The following OSBP2 variants were observed in gnomAD, a reference collection of about 807,000 sequenced individuals.
OSBP2 encodes the protein oxysterol-binding protein 2.
In OSBP2, 66 loss-of-function variants were observed where a neutral mutation model predicts 96.0. The ratio of observed to expected loss-of-function variants is 0.69; its 90% CI spans 0.56 to 0.84. The LOEUF (loss-of-function observed/expected upper bound fraction) is 0.84, where lower values mean the gene tolerates loss of function less well. OSBP2 is among the 40% of genes least tolerant of loss of function. The pLI is 0.00. For synonymous variants in OSBP2, 525 were observed against 520.9 expected (o/e 1.01, Z -0.11); for missense variants, 1,038 against 1,222.7 (o/e 0.85, Z 2.25).
intron 1 of OSBP2, 73 bp from the exon 2 acceptor site, chr22:30,741,088 C>A: frequency 1.7e-6 from 2 of 1,193,542 alleles, no homozygotes; most frequent in Non-Finnish European, 2.4e-6. Flanking sequence ...TGAGGATTTG[C>A]CTGGAGGGTT....
intron 2 of OSBP2, among the ~76,000 whole-genome samples, chr22:30,850,808 A>G (rs2038966067): frequency 6.6e-6 from 1 of 152,146 alleles, no homozygotes; most frequent in Non-Finnish European, 1.5e-5. Context: ...CTGATTTTCT[A>G]TATAGATTTA....
At chr22:30,875,205 C>T (rs550921189) in intron 3 of OSBP2, among the ~76,000 whole-genome samples, 1 of 152,262 alleles carries the variant, frequency 6.6e-6, no homozygotes, top group East Asian at 1.9e-4. Flanking sequence ...CCGAGGTCAC[C>T]CCTGCACCCC....
In OSBP2 at chr22:30,901,161, C is replaced by T. The variant is rs568024429; in HGVS notation, c.2376-4676C>T. On this transcript the variant is annotated intron_variant, in intron 12 of 13. Transcript: ENST00000332585. The stretch of plus-strand genomic sequence containing the variant: ...TCGACTCATTGCAACCTCCGCCTCC[C>T]GGGTTCAAGCGATTCTCCTGCCTCA... 4.6e-5 allele frequency among the ~76,000 whole-genome samples: 7 copies of T among 152,294 alleles called. No homozygotes were observed. In the East Asian group the frequency reaches 7.7e-4, roughly 17 times the overall value.
chr22:30,794,789 C>T (rs1056653644), intron 2 of OSBP2, among the ~76,000 whole-genome samples: 4 of 148,070 alleles, frequency 2.7e-5, no homozygotes, highest in East Asian at 2.0e-4. Context: ...ACAGTGAGAC[C>T]GTCTCAAAAA....
intron 1 of OSBP2, among the ~76,000 whole-genome samples, chr22:30,730,731 T>A (rs1236026992): frequency 2.0e-4 from 5 of 24,654 alleles, no homozygotes; most frequent in Admixed American, 7.0e-4. Flanking sequence ...TCTCTCTCTC[T>A]CTCTCTCTCT....
At chr22:30,892,429 G>A (rs2039969481) in intron 8 of OSBP2, among the ~76,000 whole-genome samples, 1 of 152,098 alleles carries the variant, frequency 6.6e-6, no homozygotes, top group African/African-American at 2.4e-5. Flanking sequence ...GGCTCTGCCT[G>A]TCTGAGGGGA....
rs370138460 is a variant in OSBP2, at chr22:30,715,975, G to A, written c.644+20422G>A. On this transcript the variant is annotated intron_variant, in intron 1 of 13. Coordinates refer to ENST00000332585, the MANE Select transcript of OSBP2 (RefSeq NM_030758.4). Reference sequence around the variant, plus strand: ...CCAAAGTATCCCACCTCAGCCTCCCGAAGTATCGGGATTACAGGCCTGTGC... The same window carrying A: ...CCAAAGTATCCCACCTCAGCCTCCCAAAGTATCGGGATTACAGGCCTGTGC... Among the ~76,000 whole-genome samples, 10 of 149,780 alleles carry A rather than the reference G, an allele frequency of 6.7e-5. No homozygotes were observed. In the East Asian group the frequency reaches 7.9e-4, roughly 12 times the overall value.
chr22:30,896,225 G>A (rs1423773915), intron 12 of OSBP2, among the ~76,000 whole-genome samples: 2 of 151,928 alleles, frequency 1.3e-5, no homozygotes, highest in Non-Finnish European at 2.9e-5. Context: ...TCACCATGTT[G>A]GCCAAGCTGG....
chr22:30,870,293 C>A lies in OSBP2; in HGVS notation c.854-136C>A. ...GCAGGCACCTCACCCCGGCCAGGAA[C>A]AGGAACGGGCACCATCTCGGGGACT... On this transcript the variant is annotated intron_variant, in intron 2 of 13. Coordinates refer to ENST00000332585, the MANE Select transcript of OSBP2 (RefSeq NM_030758.4). The surrounding 1 kb of genome is among the most constrained non-coding windows in gnomAD (Gnocchi z 4.1). The A allele has an allele frequency of 1.1e-6, 1 of 928,730 alleles. No homozygotes were observed. The highest frequency in any genetic ancestry group is 1.6e-6 in the Non-Finnish European group (1 of 622,220). 57.5% of individuals were successfully genotyped at this position (928,730 alleles called of 1,614,324 possible).
rs561497442 is a variant in OSBP2 at position 30,764,409 on chromosome 22, T to C, written c.853+23040T>C. On this transcript the variant is annotated intron_variant, in intron 2 of 13. Coordinates refer to ENST00000332585, the MANE Select transcript of OSBP2 (RefSeq NM_030758.4). Reference sequence around the variant, plus strand: ...CTCTAACAGGTAGGACTTGGAAGAATTTCCTCCTGTTCCTGTTGGGTGTGA... The same window carrying C: ...CTCTAACAGGTAGGACTTGGAAGAACTTCCTCCTGTTCCTGTTGGGTGTGA... 1.0e-5 allele frequency: 10 copies of C among 984,908 alleles called. No homozygotes were observed. In the African/African-American group the frequency reaches 1.7e-4, roughly 17 times the overall value. 61.0% of individuals were successfully genotyped at this position (984,908 alleles called of 1,614,324 possible).
At chr22:30,897,241 G>C (rs192458712) in intron 12 of OSBP2, among the ~76,000 whole-genome samples, 9 of 152,282 alleles carry the variant, frequency 5.9e-5, no homozygotes, top group Non-Finnish European at 1.2e-4. Context: ...ACTTAAGGAA[G>C]AAATTGATAA....
At chr22:30,710,084 C>T (rs2089323504) in intron 1 of OSBP2, among the ~76,000 whole-genome samples, 2 of 152,034 alleles carry the variant, frequency 1.3e-5, no homozygotes, top group African/African-American at 4.8e-5. Flanking sequence ...CAGGGTTTCA[C>T]CATGTTGGCC....
intron 2 of OSBP2, among the ~76,000 whole-genome samples, chr22:30,819,840 AAAG>A (rs897522329): frequency 8.4e-4 from 128 of 152,320 alleles, no homozygotes; most frequent in African/African-American, 2.9e-3. Context: ...TGGGGCTAAG[AAAG>A]AAGTTCAGTG....
chr22:30,789,222 C>A (rs930057402), intron 2 of OSBP2, among the ~76,000 whole-genome samples: 3 of 152,150 alleles, frequency 2.0e-5, no homozygotes, highest in Non-Finnish European at 4.4e-5. Context: ...AGAAGAACTT[C>A]AGTGCTCAAC....
intron 2 of OSBP2, among the ~76,000 whole-genome samples, chr22:30,860,894 C>T (rs1294878216): frequency 6.6e-6 from 1 of 152,206 alleles, no homozygotes. Flanking sequence ...GTGTGACTTT[C>T]CTGAAGTGGG....
At chr22:30,728,646 G>A (rs1322143341) in intron 1 of OSBP2, among the ~76,000 whole-genome samples, 1 of 152,030 alleles carries the variant, frequency 6.6e-6, no homozygotes, top group Non-Finnish European at 1.5e-5. Flanking sequence ...ACAGGCACAT[G>A]TCAACATGCC....
intron 2 of OSBP2, among the ~76,000 whole-genome samples, chr22:30,754,478 G>A (rs775824700): frequency 2.6e-5 from 4 of 152,204 alleles, no homozygotes; most frequent in Non-Finnish European, 5.9e-5. Context: ...ACTGTTTGGG[G>A]CTGAGGAGAG....
rs935983456 is a variant in OSBP2, at chr22:30,841,562, A to G, written c.854-28867A>G. Among the ~76,000 whole-genome samples the G allele has an allele frequency of 5.3e-5, 8 of 152,360 alleles. No homozygotes were observed. In the East Asian group the frequency reaches 1.5e-3, roughly 29 times the overall value. On this transcript the variant is annotated intron_variant, in intron 2 of 13. Coordinates refer to ENST00000332585, the MANE Select transcript of OSBP2 (RefSeq NM_030758.4). The stretch of plus-strand genomic sequence containing the variant: ...TACAGTCATACCTCGGAGATATTGC[A>G]GATTCAGTTCCAGATAAAGCAATAA...
At chr22:30,838,929 G>A (rs1174886934) in intron 2 of OSBP2, among the ~76,000 whole-genome samples, 2 of 150,288 alleles carry the variant, frequency 1.3e-5, no homozygotes, top group African/African-American at 2.5e-5. Flanking sequence ...CTGGTGTGCT[G>A]CACCCATTAA....
Sources: allele counts gnomAD v4.1 joint callset (sites outside exome capture counted in the v4.1 genomes callset), GRCh38; gene constraint gnomAD v4.1.1; non-coding constraint Gnocchi (gnomAD v3.1); transcripts MANE v1.5; gene names NCBI Gene and HGNC (gene_info 2026-07-23, HGNC 2026-07-21).